The following CADM2 variants were observed in gnomAD, a reference collection of about 807,000 sequenced individuals.
CADM2 encodes cell adhesion molecule 2, also known as immunoglobulin superfamily member 4D.
CADM2 carries 12 observed loss-of-function variants against 49.8 expected under a neutral mutation model. That is an observed-to-expected ratio of 0.24 (90% CI 0.15 to 0.39). The LOEUF is 0.39. Ranked by LOEUF, CADM2 falls within the 10% of genes least tolerant of loss-of-function variation. CADM2 has a pLI of 1.00. For synonymous variants in CADM2, 214 were observed against 175.4 expected (o/e 1.22, Z -1.74); for missense variants, 378 against 492.3 (o/e 0.77, Z 2.20).
chr3:85,957,463 AC>A (rs1164370990), intron 7 of CADM2, among the ~76,000 whole-genome samples: 1 of 151,790 alleles, frequency 6.6e-6, no homozygotes, highest in Non-Finnish European at 1.5e-5. Flanking sequence ...ACAGAAAAAA[AC>A]AAACTGTTTA....
At chr3:85,828,386 A>G (rs551698328) in intron 3 of CADM2, among the ~76,000 whole-genome samples, 44 of 152,072 alleles carry the variant, frequency 2.9e-4, no homozygotes, top group Non-Finnish European at 5.2e-4. Flanking sequence ...ATAATCTTTG[A>G]ACTGTAGATT....
intron 1 of CADM2, among the ~76,000 whole-genome samples, chr3:85,336,178 A>G (rs1175111743): frequency 6.6e-6 from 1 of 151,448 alleles, no homozygotes; most frequent in African/African-American, 2.4e-5. Context: ...GCCCTGCCTT[A>G]TAGCTTTGAG....
chr3:85,784,999 G>A (rs191585834), intron 2 of CADM2, among the ~76,000 whole-genome samples: 1 of 152,104 alleles, frequency 6.6e-6, no homozygotes, highest in Admixed American at 6.6e-5. Flanking sequence ...ATTTCTTCAT[G>A]ATTCAATCTT....
intron 1 of CADM2, among the ~76,000 whole-genome samples, chr3:85,302,718 T>A (rs1364963764): frequency 1.3e-5 from 2 of 151,990 alleles, no homozygotes; most frequent in African/African-American, 4.8e-5. Flanking sequence ...GCATTATATC[T>A]GTTTGAGTGA....
intron 2 of CADM2, among the ~76,000 whole-genome samples, chr3:85,743,674 C>A (rs1371860214): frequency 2.0e-5 from 3 of 152,098 alleles, no homozygotes. Flanking sequence ...ATTCTACAAA[C>A]CTGTCCTCAC....
At chr3:85,583,326 C>T (rs977216726) in intron 1 of CADM2, among the ~76,000 whole-genome samples, 9 of 152,016 alleles carry the variant, frequency 5.9e-5, no homozygotes, top group African/African-American at 2.2e-4. Flanking sequence ...TCCTAGGTTG[C>T]CAAAGGCGAA....
intron 1 of CADM2, among the ~76,000 whole-genome samples, chr3:85,722,173 T>G (rs1559613874): frequency 6.6e-6 from 1 of 151,326 alleles, no homozygotes; most frequent in African/African-American, 2.4e-5. Flanking sequence ...CTGCTACTCC[T>G]AGCAGAGAGG....
chr3:85,611,584 T>C (rs1213066592), intron 1 of CADM2, among the ~76,000 whole-genome samples: 1 of 151,928 alleles, frequency 6.6e-6, no homozygotes, highest in African/African-American at 2.4e-5. Context: ...TTAAAAGTGT[T>C]ACTGAACAAA....
At chr3:85,623,431 A>G (rs2064033394) in intron 1 of CADM2, among the ~76,000 whole-genome samples, 1 of 152,140 alleles carries the variant, frequency 6.6e-6, no homozygotes, top group African/African-American at 2.4e-5. Context: ...ATTTTGAACC[A>G]TAAGGGTCAG....
intron 1 of CADM2, among the ~76,000 whole-genome samples, chr3:85,330,101 T>C (rs1320347872): frequency 6.6e-6 from 1 of 152,186 alleles, no homozygotes; most frequent in African/African-American, 2.4e-5. Flanking sequence ...TATTTCAGGT[T>C]CACATAAAAG....
intron 1 of CADM2, among the ~76,000 whole-genome samples, chr3:85,122,848 T>A (rs550807160): frequency 6.6e-6 from 1 of 152,100 alleles, no homozygotes; most frequent in Non-Finnish European, 1.5e-5. Context: ...TTCCATTGTA[T>A]GGCTCTTATT....
At chr3:85,457,377 C>T (rs1364649005) in intron 1 of CADM2, among the ~76,000 whole-genome samples, 1 of 151,514 alleles carries the variant, frequency 6.6e-6, no homozygotes, top group South Asian at 2.1e-4. Flanking sequence ...TGCACCACTG[C>T]ACTCCAGCCC....
At chr3:85,105,606 G>A (rs9756833) in intron 1 of CADM2, among the ~76,000 whole-genome samples, 82 of 152,172 alleles carry the variant, frequency 5.4e-4, no homozygotes, top group African/African-American at 1.7e-3. Flanking sequence ...ATATACCCAA[G>A]GGACTATAAA....
intron 8 of CADM2, among the ~76,000 whole-genome samples, chr3:86,011,224 C>G (rs1355909363): frequency 1.3e-5 from 2 of 151,860 alleles, no homozygotes; most frequent in Admixed American, 1.3e-4. Context: ...AATATTAATG[C>G]AAAAATCCTA....
intron 1 of CADM2, among the ~76,000 whole-genome samples, chr3:85,410,608 A>G (rs2035611828): frequency 6.6e-6 from 1 of 152,178 alleles, no homozygotes; most frequent in African/African-American, 2.4e-5. Flanking sequence ...GTAAAATTAC[A>G]TGAGGTCTGA....
At chr3:85,802,505 T>C (rs1367378233) in intron 3 of CADM2, among the ~76,000 whole-genome samples, 4 of 152,178 alleles carry the variant, frequency 2.6e-5, no homozygotes, top group Admixed American at 6.5e-5. Flanking sequence ...GTGTATAGTT[T>C]GAGTTTTTTT....
intron 1 of CADM2, among the ~76,000 whole-genome samples, chr3:84,962,246 G>A (rs1266979138): frequency 6.7e-6 from 1 of 150,044 alleles, no homozygotes; most frequent in African/African-American, 2.5e-5. Flanking sequence ...CAGGCCATAT[G>A]AATACACTAA....
intron 1 of CADM2, among the ~76,000 whole-genome samples, chr3:85,610,372 CAATT>C (rs1322591391): frequency 1.3e-5 from 2 of 151,642 alleles, no homozygotes; most frequent in Non-Finnish European, 2.9e-5. Flanking sequence ...TTCTTTTAAA[CAATT>C]AATGGTGTCA....
chr3:86,051,920 A>T (rs1054548987), intron 8 of CADM2, among the ~76,000 whole-genome samples: 8 of 152,178 alleles, frequency 5.3e-5, no homozygotes, highest in Admixed American at 6.5e-5. Flanking sequence ...TTACAATTTG[A>T]CATGATATTT....
Sources: gnomAD v4.1 joint callset for allele counts (sites outside exome capture counted in the v4.1 genomes callset) on GRCh38, gnomAD v4.1.1 for gene constraint, MANE v1.5 for transcripts, NCBI Gene and HGNC (gene_info 2026-07-23, HGNC 2026-07-21) for gene names.